The following CHRDL1 variants were observed in gnomAD, a reference collection of about 807,000 sequenced individuals.
The protein encoded by CHRDL1 is chordin like 1, also known as chordin-like protein 1.
Under a neutral mutation model 40.9 loss-of-function variants are expected in CHRDL1, and 19 were observed. The observed-to-expected ratio is 0.46, with a 90% confidence interval of 0.32 to 0.68. CHRDL1 has a LOEUF of 0.68. Ranked by LOEUF, CHRDL1 falls within the 30% of genes least tolerant of loss-of-function variation. CHRDL1 has a pLI of 0.03. For synonymous variants in CHRDL1, 136 were observed against 123.4 expected (o/e 1.10, Z -0.68); for missense variants, 329 against 352.1 (o/e 0.93, Z 0.53).
chrX:110,785,964 T>C (rs1311194654), intron 2 of CHRDL1, among the ~76,000 whole-genome samples: 1 of 112,390 alleles, frequency 8.9e-6, no homozygotes, highest in Non-Finnish European at 1.9e-5. Flanking sequence ...AAGTCCTTTA[T>C]TGAATTATAA....
chrX:110,690,641 G>A (rs1487568886), intron 8 of CHRDL1, among the ~76,000 whole-genome samples: 1 of 110,929 alleles, frequency 9.0e-6, no homozygotes, highest in Non-Finnish European at 1.9e-5. Context: ...ATATAAGTAT[G>A]GAGCTTAATG....
intron 2 of CHRDL1, among the ~76,000 whole-genome samples, chrX:110,781,648 C>T (rs1384570305): frequency 1.8e-5 from 2 of 110,791 alleles, no homozygotes; most frequent in Non-Finnish European, 3.8e-5. Flanking sequence ...TAAAGACCAC[C>T]GAAAAGACTA....
At chrX:110,763,915 G>C (rs1274096879) in intron 2 of CHRDL1, among the ~76,000 whole-genome samples, 1 of 111,768 alleles carries the variant, frequency 8.9e-6, no homozygotes, top group East Asian at 2.8e-4. Flanking sequence ...GAAGGAGTAT[G>C]GTGGTATTGC....
At chrX:110,688,459 G>C (rs2070070986) in intron 9 of CHRDL1, 135 bp downstream of exon 9, 1 of 489,898 alleles carries the variant, frequency 2.0e-6, no homozygotes, top group Admixed American at 3.5e-5. Context: ...AGAGAAGAGA[G>C]AATGAAATTC....
At chrX:110,701,532 C>T (rs57860947) in intron 6 of CHRDL1, among the ~76,000 whole-genome samples, 1 of 111,737 alleles carries the variant, frequency 8.9e-6, no homozygotes, top group South Asian at 3.8e-4. Context: ...AAGAGTAACA[C>T]GCCGGGTGCA....
At chrX:110,737,897 G>A (rs1293264415) in intron 4 of CHRDL1, among the ~76,000 whole-genome samples, 1 of 111,626 alleles carries the variant, frequency 9.0e-6, no homozygotes, top group Non-Finnish European at 1.9e-5. Context: ...TTCCCCAGGG[G>A]ACATTTGGCA....
intron 3 of CHRDL1, 141 bp from the exon 4 acceptor site, chrX:110,759,895 T>TCTTTC: frequency 2.1e-6 from 1 of 472,413 alleles, no homozygotes. Flanking sequence ...TTCAACATTT[T>TCTTTC]CTTTCCTTTT....
intron 6 of CHRDL1, among the ~76,000 whole-genome samples, chrX:110,707,447 T>C (rs2070663380): frequency 9.0e-6 from 1 of 111,533 alleles, no homozygotes; most frequent in South Asian, 3.8e-4. Context: ...AACAGATATA[T>C]AGACCAATGG....
chrX:110,735,766 G>T (rs566700027), intron 4 of CHRDL1, among the ~76,000 whole-genome samples: 1 of 112,258 alleles, frequency 8.9e-6, no homozygotes, highest in African/African-American at 3.2e-5. Flanking sequence ...TCCTGTATAT[G>T]ATGAGAAGCC....
At chrX:110,697,325 C>A (rs2070407355) in intron 7 of CHRDL1, among the ~76,000 whole-genome samples, 1 of 109,521 alleles carries the variant, frequency 9.1e-6, no homozygotes, top group Non-Finnish European at 1.9e-5. Context: ...CATCAGGGTC[C>A]AGAAAGGGCC....
intron 1 of CHRDL1, among the ~76,000 whole-genome samples, chrX:110,793,741 G>A (rs2090139114): frequency 8.9e-6 from 1 of 112,012 alleles, no homozygotes; most frequent in Admixed American, 9.4e-5. Context: ...ATTTCAACGG[G>A]TGTTTCTGAA....
At chrX:110,698,626 C>G (rs745310293) in intron 7 of CHRDL1, among the ~76,000 whole-genome samples, 2 of 111,871 alleles carry the variant, frequency 1.8e-5, no homozygotes, top group African/African-American at 3.3e-5. Context: ...CATTCTGTAC[C>G]CGACCTTTTT....
At chrX:110,679,790 CTG>C (rs1335924074) in intron 10 of CHRDL1, among the ~76,000 whole-genome samples, 1 of 112,045 alleles carries the variant, frequency 8.9e-6, no homozygotes, top group East Asian at 2.8e-4. Flanking sequence ...CCTGGATAGA[CTG>C]TGTCCATGCC....
intron 4 of CHRDL1, among the ~76,000 whole-genome samples, chrX:110,728,499 T>C (rs1392372844): frequency 9.0e-6 from 1 of 111,656 alleles, no homozygotes; most frequent in African/African-American, 3.3e-5. Flanking sequence ...GTATTCCTAC[T>C]AGTGGGAGAG....
In CHRDL1 at chrX:110,764,096, T is replaced by C. The variant is rs753772458; in HGVS notation, c.95-1289A>G. On this transcript the variant is annotated intron_variant, in intron 2 of 11. Coordinates refer to ENST00000372042, the MANE Select transcript of CHRDL1 (RefSeq NM_001143981.2). ...GTCCTTGGCCCACTTTTTGATAGGA[T>C]TTTTTTTTCTTACTGATTTGTTCAT... 1.3e-4 allele frequency among the ~76,000 whole-genome samples: 15 copies of C among 111,265 alleles called. No homozygotes were observed. In the East Asian group the frequency reaches 4.3e-3, roughly 32 times the overall value.
At chrX:110,699,457 G>A (rs1365107023) in intron 7 of CHRDL1, among the ~76,000 whole-genome samples, 1 of 111,739 alleles carries the variant, frequency 8.9e-6, no homozygotes, top group African/African-American at 3.3e-5. Context: ...TTTTTCTAGG[G>A]TTTTAGAAAA....
At chrX:110,691,295 T>C (rs1285207977) in intron 8 of CHRDL1, among the ~76,000 whole-genome samples, 2 of 106,841 alleles carry the variant, frequency 1.9e-5, no homozygotes, top group Non-Finnish European at 3.9e-5. Context: ...CACAGGAGTA[T>C]CTTTCTATGC....
intron 2 of CHRDL1, among the ~76,000 whole-genome samples, chrX:110,783,032 A>G (rs1396093127): frequency 2.7e-5 from 3 of 112,802 alleles, no homozygotes; most frequent in Non-Finnish European, 5.6e-5. Flanking sequence ...GAAGGCAGAC[A>G]AGGAGCTGAA....
At chrX:110,722,105 C>T (rs1222900397) in intron 4 of CHRDL1, among the ~76,000 whole-genome samples, 3 of 111,055 alleles carry the variant, frequency 2.7e-5, no homozygotes, top group Non-Finnish European at 5.7e-5. Flanking sequence ...TCAAGCAATT[C>T]TCGTGCCTCA....
Sources: allele counts gnomAD v4.1 joint callset (sites outside exome capture counted in the v4.1 genomes callset), GRCh38; gene constraint gnomAD v4.1.1; transcripts MANE v1.5; gene names NCBI Gene and HGNC (gene_info 2026-07-23, HGNC 2026-07-21).